Variants in ASPM observed in about 807,000 individuals in gnomAD.
The protein encoded by ASPM is abnormal spindle-like microcephaly-associated protein.
ASPM carries 256 observed loss-of-function variants against 366.4 expected under a neutral mutation model. That is an observed-to-expected ratio of 0.70 (90% confidence interval 0.63 to 0.77). The LOEUF (loss-of-function observed/expected upper bound fraction) is 0.77, where lower values mean the gene tolerates loss of function less well. Ranked by LOEUF, ASPM falls within the 30% of genes least tolerant of loss-of-function variation. The probability of loss-of-function intolerance (pLI) is 0.00; values close to 1 mark genes in which losing one functional copy is unlikely to be tolerated. For synonymous variants in ASPM, 1,414 were observed against 1,342.9 expected, an observed-to-expected ratio of 1.05 and a Z score of -1.16; for missense variants, 4,146 against 4,090.4, an observed-to-expected ratio of 1.01 and a Z score of -0.37.
Position 197,129,096 on chromosome 1 carries a change from A to G in ASPM, c.2760+91T>C. On this transcript the variant is annotated intron_variant, in intron 9 of 27. Transcript: ENST00000367409. ...CTGAGTATTATTCTTTGGAAAACTA[A>G]TTTTTTTTCTAAAGAGAAAACATAC... 4.1e-6 allele frequency: 6 copies of G among 1,463,362 alleles called. No homozygotes were observed. In the South Asian group the frequency reaches 7.4e-5, roughly 18 times the overall value. 90.6% of individuals were successfully genotyped at this position (1,463,362 alleles called of 1,614,324 possible).
intron 6 of ASPM, among the ~76,000 whole-genome samples, chr1:197,132,978 G>C (rs190276684): frequency 2.0e-5 from 3 of 152,106 alleles, no homozygotes; most frequent in African/African-American, 7.2e-5. Flanking sequence ...GGGGTAGAGG[G>C]ACTGGGGCGA....
At chr1:197,135,623 CTTTTTTTTTTTTTTT>C (rs778898963) in intron 4 of ASPM, among the ~76,000 whole-genome samples, 2 of 69,820 alleles carry the variant, frequency 2.9e-5, no homozygotes, top group Non-Finnish European at 5.7e-5. Context: ...AAATATCTGT[CTTTTTTTTTTTTTTT>C]TTTTTTTTGC....
In ASPM at chr1:197,101,673, A is replaced by G. The variant is rs774126283; in HGVS notation, c.7578T>C (p.Asn2526=). 17 of 1,612,050 alleles carry G rather than the reference A, an allele frequency of 1.1e-5. No individual in the cohort carries two copies. Among genetic ancestry groups the G allele is most frequent in the Non-Finnish European group, 1.4e-5 (17 of 1,179,116 alleles). ...CAGCAGAATGCCATTGTCTGATATAATTTTCTCTTTGTAATTTTGCAGCTC... is the reference window on the plus strand; with the variant it reads ...CAGCAGAATGCCATTGTCTGATATAGTTTTCTCTTTGTAATTTTGCAGCTC... ...TYRAAKLQRE[N]YIRQWHSAVV... The change falls in exon 18 of 28, where the codon AAT becomes AAC. Residue 2526 remains asparagine (N), a synonymous_variant. Transcript: ENST00000367409.
chr1:197,109,377 A>G (rs1228433769), intron 17 of ASPM, among the ~76,000 whole-genome samples: 1 of 152,140 alleles, frequency 6.6e-6, no homozygotes, highest in Non-Finnish European at 1.5e-5. Flanking sequence ...GTAAGTTTAC[A>G]GTAAGATTAG....
intron 17 of ASPM, among the ~76,000 whole-genome samples, chr1:197,111,793 C>T (rs1027557903): frequency 5.3e-5 from 8 of 152,014 alleles, no homozygotes; most frequent in African/African-American, 1.7e-4. Flanking sequence ...TATAGAAATG[C>T]AAATCAAAGC....
intron 17 of ASPM, among the ~76,000 whole-genome samples, chr1:197,105,645 C>T (rs912472146): frequency 1.3e-5 from 2 of 151,792 alleles, no homozygotes; most frequent in Non-Finnish European, 2.9e-5. Flanking sequence ...CATTACAGGC[C>T]TGATAATATA....
At chr1:197,135,495 A>C (rs905264176) in intron 4 of ASPM, among the ~76,000 whole-genome samples, 1 of 152,220 alleles carries the variant, frequency 6.6e-6, no homozygotes, top group Non-Finnish European at 1.5e-5. Flanking sequence ...AAAGTCTGAT[A>C]GAATATCTTT....
At position 197,100,770 on chromosome 1, in the gene ASPM, T is replaced by C; in HGVS notation, c.8481A>G (p.Arg2827=). 6.2e-7 allele frequency: 1 copy of C among 1,612,446 alleles called. No homozygotes were observed. The highest frequency in any genetic ancestry group is 1.1e-5 in the South Asian group (1 of 91,056). ...GTGTTTCCAGTTTTCTTGTGACCAT[T>C]CTACAAAAAGCTTTTTGAATTGTTA... ...AAVTIQKAFC[R]MVTRKLETQK... Residue 2827 remains arginine, a synonymous_variant, in exon 18 of 28, where the codon AGA becomes AGG. Transcript: ENST00000367409.
At chr1:197,085,014 A>G (rs961942525) in intron 27 of ASPM, among the ~76,000 whole-genome samples, 3 of 152,156 alleles carry the variant, frequency 2.0e-5, no homozygotes, top group African/African-American at 7.2e-5. Flanking sequence ...TTTGGCCTCA[A>G]CACATACCCA....
intron 17 of ASPM, among the ~76,000 whole-genome samples, chr1:197,106,277 T>C (rs1025516918): frequency 1.3e-5 from 2 of 152,108 alleles, no homozygotes; most frequent in East Asian, 1.9e-4. Flanking sequence ...GAAATGATTG[T>C]ATACATTTTA....
chr1:197,088,931 C>T (rs936988920), intron 25 of ASPM, among the ~76,000 whole-genome samples: 8 of 151,890 alleles, frequency 5.3e-5, no homozygotes, highest in Non-Finnish European at 1.0e-4. Context: ...ATATTTTCCA[C>T]GCCTCATTTT....
intron 17 of ASPM, among the ~76,000 whole-genome samples, chr1:197,110,090 T>C (rs917246861): frequency 2.6e-5 from 4 of 151,826 alleles, no homozygotes; most frequent in Non-Finnish European, 5.9e-5. Flanking sequence ...AAAACTTAAA[T>C]GGAAAGACAA....
intron 13 of ASPM, among the ~76,000 whole-genome samples, chr1:197,123,435 G>A (rs1571615546): frequency 6.6e-6 from 1 of 152,086 alleles, no homozygotes; most frequent in Non-Finnish European, 1.5e-5. Context: ...TAGCTAGTAT[G>A]CAAATTCCAA....
At chr1:197,090,413 T>A (rs1358535054) in intron 23 of ASPM, 25 bp from the exon 24 acceptor site, 3 of 1,533,772 alleles carry the variant, frequency 2.0e-6, no homozygotes, top group East Asian at 2.3e-5. Flanking sequence ...ACAGAGTAAT[T>A]TTAAGATTAT....
chr1:197,094,806 T>C (rs919665865), intron 19 of ASPM, among the ~76,000 whole-genome samples: 2 of 151,714 alleles, frequency 1.3e-5, no homozygotes, highest in Non-Finnish European at 2.9e-5. Context: ...GTGGAAAAAG[T>C]ACAATGAGTA....
In ASPM at chr1:197,143,304, T is replaced by C; in HGVS notation, c.948A>G (p.Leu316=). 6.2e-7 allele frequency: 1 copy of C among 1,613,874 alleles called. No individual in the cohort carries two copies. Among genetic ancestry groups the C allele is most frequent in the Non-Finnish European group, 8.5e-7 (1 of 1,179,778 alleles). ...LNITQSQIHF[L]SPDSFVNNSH... is the part of the protein sequence containing the mutation. ...TATTATTTACAAAAGAATCTGGACTTAGAAAATGTATTTGGCTTTGTGTAA... is the reference window on the plus strand; with the variant it reads ...TATTATTTACAAAAGAATCTGGACTCAGAAAATGTATTTGGCTTTGTGTAA... The change falls in exon 3 of 28, where the codon CTA becomes CTG. Residue 316 remains leucine, a synonymous_variant. Transcript: ENST00000367409.
rs1656765368 is a variant in ASPM at position 197,090,980 on chromosome 1, T to G, written c.9506A>C (p.Lys3169Thr). Residue 3169 changes from lysine (K) to threonine (T), a missense_variant, in exon 23 of 28, where the codon AAG becomes ACG. Lys to Thr is a moderately conservative substitution (Grantham distance 78). This residue lies in a region of ASPM where 3,624 missense variants were observed against 3,591.7 expected (regional missense o/e 1.01). Coordinates refer to ENST00000367409, the MANE Select transcript of ASPM (RefSeq NM_018136.5). ...RFIQKYHSIK[K>T]IEHEGQECLS... ...ACATTCTTGACCTTCATGCTCAATC[T>G]TTTTGATGCTATGATATTTCTGAAT... 6.2e-7 allele frequency: 1 copy of G among 1,612,688 alleles called. No homozygotes were observed.
chr1:197,121,062 G>A (rs1383270652), intron 16 of ASPM, among the ~76,000 whole-genome samples: 1 of 152,084 alleles, frequency 6.6e-6, no homozygotes, highest in Non-Finnish European at 1.5e-5. Context: ...AGTTGAGAAG[G>A]AATATTGGGT....
chr1:197,090,497 T>A, intron 23 of ASPM, 109 bp from the exon 24 acceptor site: 3 of 904,204 alleles, frequency 3.3e-6, no homozygotes, highest in Non-Finnish European at 5.0e-6. Context: ...TTTGACATGA[T>A]CACATACATT....
Sources: gnomAD v4.1 joint callset for allele counts (sites outside exome capture counted in the v4.1 genomes callset) on GRCh38, gnomAD v4.1.1 for gene constraint, gnomAD v4.1.1 regional missense constraint, MANE v1.5 for transcripts, NCBI Gene and HGNC (gene_info 2026-07-23, HGNC 2026-07-21) for gene names.